Variants in ALPK2 observed in about 807,000 individuals in gnomAD.
ALPK2 encodes alpha-protein kinase 2.
A neutral mutation model predicts 163.1 loss-of-function variants in ALPK2; 127 were observed. The observed-to-expected ratio is 0.78, with a 90% CI of 0.67 to 0.90. The LOEUF (loss-of-function observed/expected upper bound fraction) is 0.90, where lower values mean the gene tolerates loss of function less well. Among genes scored for constraint, ALPK2 ranks in the 40% least tolerant of loss-of-function variants. The pLI is 0.00. For missense variants in ALPK2, 2,360 were observed against 2,589.6 expected, an observed-to-expected ratio of 0.91 and a Z score of 1.92; for synonymous variants, 953 against 959.1, an observed-to-expected ratio of 0.99 and a Z score of 0.12.
intron 11 of ALPK2, among the ~76,000 whole-genome samples, chr18:58,498,996 C>T (rs1045708177): frequency 3.9e-5 from 6 of 151,976 alleles, no homozygotes; most frequent in African/African-American, 1.2e-4. Flanking sequence ...CCATAAAGAT[C>T]GTTTTTCAAT....
chr18:58,579,877 G>C lies in ALPK2; in HGVS notation c.899C>G (p.Ser300Cys). The change falls in exon 4 of 13, where the codon TCC (serine) becomes TGC (cysteine). Residue 300 changes from serine (S) to cysteine (C), a missense_variant. Physicochemically the swap from Ser to Cys is moderately radical, Grantham distance 112 (BLOSUM62 -1). Transcript: ENST00000361673. ...ATAGTCACTGTCAGAGTCTTCACTG[G>C]AAAGCTGTGGGCTGGGTTGTTTGTT... Reference protein sequence around the residue: ...VANKQPSPQLSSEDSDSDYEL... With the variant: ...VANKQPSPQLCSEDSDSDYEL... 6.2e-7 allele frequency: 1 copy of C among 1,614,178 alleles called. No homozygotes were observed. Among genetic ancestry groups the C allele is most frequent in the Non-Finnish European group, 8.5e-7 (1 of 1,180,034 alleles).
intron 4 of ALPK2, among the ~76,000 whole-genome samples, chr18:58,555,061 C>T (rs986038469): frequency 3.3e-5 from 5 of 152,162 alleles, no homozygotes; most frequent in Admixed American, 6.5e-5. Context: ...AACCCAGTCT[C>T]GGGTATCTGT....
chr18:58,584,217 A>G (rs2051974705), intron 3 of ALPK2, among the ~76,000 whole-genome samples: 1 of 152,262 alleles, frequency 6.6e-6, no homozygotes, highest in South Asian at 2.1e-4. Context: ...TGGATTAAGT[A>G]TAATTAACTT....
At chr18:58,553,850 G>GTTTTTTTTTTTT (rs71173061) in intron 4 of ALPK2, among the ~76,000 whole-genome samples, 14 of 74,010 alleles carry the variant, frequency 1.9e-4, no homozygotes, top group Non-Finnish European at 2.8e-4. Flanking sequence ...TTTTTTTTTG[G>GTTTTTTTTTTTT]TTTTTTTTTT....
In ALPK2 at chr18:58,525,967, G is replaced by GAAAAAAA. The variant is rs10653750; in HGVS notation, c.5502-1912_5502-1906dup. 1.4e-4 allele frequency among the ~76,000 whole-genome samples: 17 copies of GAAAAAAA among 117,710 alleles called. 2 individuals are homozygous for GAAAAAAA. The highest frequency in any genetic ancestry group is 1.2e-4 in the Non-Finnish European group (7 of 59,622). 77.2% of individuals were successfully genotyped at this position (117,710 alleles called of 152,430 possible). A position where few individuals can be genotyped will look rare whatever the true frequency, so the allele number is the denominator to read the frequency against. On this transcript the variant is annotated intron_variant, in intron 6 of 12. Coordinates refer to ENST00000361673, the MANE Select transcript of ALPK2 (RefSeq NM_052947.4). ...TACTGGGGGATTCAATGATGAAAAA[G>GAAAAAAA]AAAAAAAAAAAAAAAAAAAGGCACA...
intron 8 of ALPK2, among the ~76,000 whole-genome samples, chr18:58,521,442 GC>G (rs2051550576): frequency 6.6e-6 from 1 of 152,054 alleles, no homozygotes. Flanking sequence ...TGCATATTTT[GC>G]CTTCTGGGGA....
intron 3 of ALPK2, among the ~76,000 whole-genome samples, chr18:58,582,135 C>T (rs762933069): frequency 2.0e-5 from 3 of 152,196 alleles, no homozygotes; most frequent in African/African-American, 4.8e-5. Context: ...TGATACTGGG[C>T]TTTGCCTTGG....
Position 58,515,011 on chromosome 18 carries a change from C to T in ALPK2, c.6011G>A (p.Gly2004Asp), listed in dbSNP as rs759031074. 6.2e-7 allele frequency: 1 copy of T among 1,612,826 alleles called. No individual in the cohort carries two copies. The highest frequency in any genetic ancestry group is 2.2e-5 in the East Asian group (1 of 44,798). Residue 2004 changes from glycine to aspartate, a missense_variant, in exon 10 of 13, where the codon GGC becomes GAC. Transcript: ENST00000361673. ...CACTTACTCAGGTACTTCTCCAAAGCCTTCCAGAGGCTGTGCTTCAGCAGC... is the reference window on the plus strand; with the variant it reads ...CACTTACTCAGGTACTTCTCCAAAGTCTTCCAGAGGCTGTGCTTCAGCAGC... ...IYAAEAQPLE[G>D]FGEVPEIIPI...
chr18:58,551,842 C>A (rs2051761699), intron 4 of ALPK2, among the ~76,000 whole-genome samples: 1 of 152,318 alleles, frequency 6.6e-6, no homozygotes, highest in East Asian at 1.9e-4. Flanking sequence ...GGCTTCCAGA[C>A]CCTGCAGTCA....
intron 3 of ALPK2, among the ~76,000 whole-genome samples, chr18:58,592,775 C>T (rs879344941): frequency 2.0e-5 from 3 of 152,230 alleles, no homozygotes; most frequent in Non-Finnish European, 4.4e-5. Context: ...ACAGACTTAG[C>T]AGCGAATGTG....
chr18:58,538,140 A>G lies in ALPK2; in HGVS notation c.2047T>C (p.Phe683Leu), dbSNP rs544467791. 4 of 1,614,006 alleles carry G rather than the reference A, an allele frequency of 2.5e-6. No individual in the cohort carries two copies. The highest frequency in any genetic ancestry group is 3.4e-6 in the Non-Finnish European group (4 of 1,179,972). The part of the protein sequence containing the change: ...FSEPAGEESP[F>L]TGTTTISFSN... ...AAGGAAATTGTTGTGGTCCCAGTGA[A>G]TGGGGACTCCTCCCCAGCAGGCTCT... Residue 683 changes from phenylalanine (F) to leucine (L), a missense_variant, in exon 5 of 13, where the codon TTC becomes CTC. By Grantham distance (22) the Phe-to-Leu change is conservative. Transcript: ENST00000361673.
intron 10 of ALPK2, among the ~76,000 whole-genome samples, chr18:58,508,935 C>T (rs977731108): frequency 6.6e-5 from 10 of 151,452 alleles, no homozygotes; most frequent in African/African-American, 2.4e-4. Context: ...GCACAACCTG[C>T]AGGTTTGTTA....
At position 58,554,806 on chromosome 18, in the gene ALPK2, T is replaced by C. The variant is rs185990188; in HGVS notation, c.1963-16582A>G. 1.8e-4 allele frequency among the ~76,000 whole-genome samples: 28 copies of C among 152,292 alleles called. No individual in the cohort carries two copies. The East Asian group carries it at 3.7e-3, about 20-fold the overall frequency. ...CCCACCCAAATCTTATCTTGAATTG[T>C]AGCTCCCATAATCCCCATGTATTGT... On this transcript the variant is annotated intron_variant, in intron 4 of 12. Transcript: ENST00000361673.
chr18:58,602,528 A>G (rs1602236305), intron 3 of ALPK2, among the ~76,000 whole-genome samples: 1 of 150,824 alleles, frequency 6.6e-6, no homozygotes, highest in Admixed American at 6.6e-5. Flanking sequence ...CCATTGCATC[A>G]CCCCAATCTC....
At chr18:58,619,776 C>T (rs963995723) in intron 1 of ALPK2, among the ~76,000 whole-genome samples, 3 of 152,070 alleles carry the variant, frequency 2.0e-5, no homozygotes, top group Non-Finnish European at 4.4e-5. Flanking sequence ...ACCAAATGAC[C>T]CAGCAATTCC....
intron 3 of ALPK2, among the ~76,000 whole-genome samples, chr18:58,601,319 A>G (rs1396763032): frequency 1.3e-5 from 2 of 152,206 alleles, no homozygotes; most frequent in Non-Finnish European, 2.9e-5. Flanking sequence ...TGAGAAGGAT[A>G]AAGATACATG....
At chr18:58,526,337 C>T (rs2051584899) in intron 6 of ALPK2, among the ~76,000 whole-genome samples, 1 of 152,142 alleles carries the variant, frequency 6.6e-6, no homozygotes, top group Non-Finnish European at 1.5e-5. Context: ...CCCTAAGGAG[C>T]CAGGGCTTGG....
intron 11 of ALPK2, among the ~76,000 whole-genome samples, chr18:58,498,791 C>T (rs557592943): frequency 8.5e-5 from 13 of 152,324 alleles, no homozygotes; most frequent in South Asian, 6.2e-4. Flanking sequence ...CCATGTAAGA[C>T]GTGCCTTCCG....
intron 6 of ALPK2, among the ~76,000 whole-genome samples, chr18:58,527,121 T>A (rs1474846487): frequency 6.6e-6 from 1 of 151,244 alleles, no homozygotes; most frequent in Non-Finnish European, 1.5e-5. Context: ...GGTTCCCTCA[T>A]GATTTAGTAA....
Sources: gnomAD v4.1 joint callset for allele counts (sites outside exome capture counted in the v4.1 genomes callset) on GRCh38, gnomAD v4.1.1 for gene constraint, MANE v1.5 for transcripts, NCBI Gene and HGNC (gene_info 2026-07-23, HGNC 2026-07-21) for gene names.